REDIC1: variants seen among roughly 807,000 people sequenced by gnomAD.
The protein encoded by REDIC1 is HEI10 Interacting Protein 1.
the REDIC1 span, among the ~76,000 whole-genome samples, chr12:39,870,537 T>C: frequency 6.6e-6 from 1 of 152,244 alleles, no homozygotes; most frequent in Non-Finnish European, 1.5e-5. Context: ...CTGGTAGGCT[T>C]CTGCCTTTAG....
At chr12:39,794,165 C>T in the REDIC1 span, among the ~76,000 whole-genome samples, 1 of 148,050 alleles carries the variant, frequency 6.8e-6, no homozygotes, top group East Asian at 2.0e-4. Flanking sequence ...ACAAAACCTC[C>T]CTTCTGCAAA....
At chr12:39,797,534 T>C in the REDIC1 span, among the ~76,000 whole-genome samples, 1 of 152,172 alleles carries the variant, frequency 6.6e-6, no homozygotes, top group African/African-American at 2.4e-5. Flanking sequence ...TCTTGTAAAG[T>C]AGCTAAATAT....
the REDIC1 span, among the ~76,000 whole-genome samples, chr12:39,714,911 G>A: frequency 6.6e-6 from 1 of 151,628 alleles, no homozygotes; most frequent in Non-Finnish European, 1.5e-5. Flanking sequence ...TGATGAGATT[G>A]TTTGTTTTTT....
At chr12:39,705,233 GACAC>G in the REDIC1 span, among the ~76,000 whole-genome samples, 1 of 151,910 alleles carries the variant, frequency 6.6e-6, no homozygotes, top group Non-Finnish European at 1.5e-5. Flanking sequence ...CAAATTCCTA[GACAC>G]ACACAATTTA....
the REDIC1 span, chr12:39,683,457 GTAT>G: frequency 6.2e-7 from 1 of 1,602,136 alleles, no homozygotes; most frequent in Non-Finnish European, 8.5e-7. Context: ...CCACAGAAAA[GTAT>G]TCAGAAATAT....
the REDIC1 span, among the ~76,000 whole-genome samples, chr12:39,712,983 ATG>A: frequency 5.2e-5 from 1 of 19,330 alleles, no homozygotes; most frequent in African/African-American, 2.1e-4. Context: ...GTATATATAC[ATG>A]TGTATATACG....
At chr12:39,713,570 G>A in the REDIC1 span, among the ~76,000 whole-genome samples, 12 of 148,618 alleles carry the variant, frequency 8.1e-5, no homozygotes, top group South Asian at 2.1e-4. Flanking sequence ...ATGTGTACGC[G>A]TACATATGTA....
chr12:39,879,741 G>A, the REDIC1 span, among the ~76,000 whole-genome samples: 2 of 152,142 alleles, frequency 1.3e-5, no homozygotes, highest in African/African-American at 4.8e-5. Context: ...TCTCAGATGA[G>A]ATCTTGAACT....
chr12:39,840,356 C>T, the REDIC1 span, among the ~76,000 whole-genome samples: 58 of 152,180 alleles, frequency 3.8e-4, no homozygotes, highest in South Asian at 1.2e-3. Flanking sequence ...CCACTCTCTA[C>T]ACTGCCTCAA....
chr12:39,783,169 C>T, the REDIC1 span, among the ~76,000 whole-genome samples: 148,014 of 152,206 alleles, frequency 0.97, 71,973 homozygotes, highest in East Asian at 1. Flanking sequence ...TGGTTTCCAG[C>T]TTCATCCATG....
the REDIC1 span, among the ~76,000 whole-genome samples, chr12:39,779,121 A>C: frequency 6.6e-6 from 1 of 152,168 alleles, no homozygotes; most frequent in South Asian, 2.1e-4. Flanking sequence ...AGTGGCTACT[A>C]GCCCCTGAGC....
chr12:39,698,623 A>G, the REDIC1 span, among the ~76,000 whole-genome samples: 1 of 152,246 alleles, frequency 6.6e-6, no homozygotes, highest in African/African-American at 2.4e-5. Flanking sequence ...ACATTTTTAA[A>G]AATTGAAATG....
At chr12:39,736,198 G>A in the REDIC1 span, among the ~76,000 whole-genome samples, 3 of 152,230 alleles carry the variant, frequency 2.0e-5, no homozygotes, top group African/African-American at 4.8e-5. Flanking sequence ...GGAGCCAATA[G>A]TGTGTGCATG....
At chr12:39,879,557 C>T in the REDIC1 span, among the ~76,000 whole-genome samples, 2 of 152,230 alleles carry the variant, frequency 1.3e-5, no homozygotes, top group Non-Finnish European at 2.9e-5. Flanking sequence ...TACAGCCCTG[C>T]TGGGTTTCAA....
At chr12:39,880,044 ACTCT>A in the REDIC1 span, among the ~76,000 whole-genome samples, 11 of 150,734 alleles carry the variant, frequency 7.3e-5, no homozygotes, top group South Asian at 2.1e-4. Context: ...CTCACCCTGC[ACTCT>A]CTCTCTCTCG....
chr12:39,722,193 GT>G, the REDIC1 span, among the ~76,000 whole-genome samples: 1,032 of 152,216 alleles, frequency 6.8e-3, 14 homozygotes, highest in African/African-American at 0.024. Flanking sequence ...TCAAGAGTCT[GT>G]GTTGCAGAGG....
chr12:39,829,838 C>T, the REDIC1 span: 1 of 408,774 alleles, frequency 2.4e-6, no homozygotes, highest in Non-Finnish European at 4.5e-6. Flanking sequence ...TTGTGAATAG[C>T]TGCCTAAAAC....
chr12:39,693,827 A>G, the REDIC1 span, among the ~76,000 whole-genome samples: 1 of 152,150 alleles, frequency 6.6e-6, no homozygotes, highest in Non-Finnish European at 1.5e-5. Flanking sequence ...TTGTTAAGTT[A>G]AAGGAGAAAT....
the REDIC1 span, among the ~76,000 whole-genome samples, chr12:39,697,875 A>G: frequency 1.3e-5 from 2 of 152,206 alleles, no homozygotes; most frequent in African/African-American, 4.8e-5. Flanking sequence ...CAAAAAACAG[A>G]TAACAAAATA....
Sources: allele counts gnomAD v4.1 joint callset (sites outside exome capture counted in the v4.1 genomes callset), GRCh38; gene constraint gnomAD v4.1.1; transcripts MANE v1.5; gene names NCBI Gene and HGNC (gene_info 2026-07-23, HGNC 2026-07-21).